ST7: variants seen among roughly 807,000 people sequenced by gnomAD.
ST7 encodes the protein suppression of tumorigenicity 7.
A neutral mutation model predicts 78.7 loss-of-function variants in ST7; 28 were observed. The ratio of observed to expected loss-of-function variants is 0.36; its 90% confidence interval spans 0.26 to 0.49. The LOEUF is 0.49. Among genes scored for constraint, ST7 ranks in the 20% least tolerant of loss-of-function variants. ST7 has a pLI of 0.99. For missense variants in ST7, 418 were observed against 696.0 expected, an observed-to-expected ratio of 0.60 and a Z score of 4.49; for synonymous variants, 247 against 249.6, an observed-to-expected ratio of 0.99 and a Z score of 0.10.
intron 1 of ST7, among the ~76,000 whole-genome samples, chr7:117,093,033 T>C (rs1203995328): frequency 1.3e-5 from 2 of 152,204 alleles, no homozygotes; most frequent in Non-Finnish European, 2.9e-5. Context: ...TGTGGCTCAA[T>C]TGATTGTTCC....
chr7:117,131,874 T>G lies in ST7; in HGVS notation c.566-11T>G. The G allele has an allele frequency of 4.3e-6, 7 of 1,610,020 alleles. No homozygotes were observed. The highest frequency in any genetic ancestry group is 5.9e-6 in the Non-Finnish European group (7 of 1,177,206). ...TGGATTGACTTGGTGTTTTCTCTTT[T>G]TCTTAAATAGTAATGCAGAAAGCCT... is the stretch of plus-strand genomic sequence containing the variant. On this transcript the variant is annotated splice_polypyrimidine_tract_variant and intron_variant, in intron 5 of 15. Transcript: ENST00000323984.
chr7:116,972,648 C>G (rs571851176), intron 1 of ST7: 10 of 1,182,858 alleles, frequency 8.5e-6, no homozygotes, highest in Middle Eastern at 2.5e-4. Context: ...TCATACCTCT[C>G]TCACTCTCAT....
intron 9 of ST7, among the ~76,000 whole-genome samples, chr7:117,163,431 G>A (rs537374411): frequency 6.6e-6 from 1 of 152,070 alleles, no homozygotes; most frequent in South Asian, 2.1e-4. Flanking sequence ...CTGCATTCTC[G>A]CCAGTGTTTG....
chr7:117,084,178 C>T (rs1179115041), intron 1 of ST7, among the ~76,000 whole-genome samples: 1 of 152,188 alleles, frequency 6.6e-6, no homozygotes, highest in African/African-American at 2.4e-5. Context: ...TTAGTTTCTT[C>T]ATCTGTTTTA....
At chr7:117,216,639 A>C (rs537492460) in intron 13 of ST7, among the ~76,000 whole-genome samples, 1 of 152,242 alleles carries the variant, frequency 6.6e-6, no homozygotes, top group African/African-American at 2.4e-5. Flanking sequence ...CAGTGCCTCT[A>C]CCGGCCTCTC....
chr7:116,967,498 C>T, intron 1 of ST7: 1 of 423,788 alleles, frequency 2.4e-6, no homozygotes, highest in Non-Finnish European at 5.0e-6. Context: ...CGGGTCCAGT[C>T]CCAGTGGACC....
intron 3 of ST7, 31 bp from the exon 4 acceptor site, chr7:117,129,762 C>T (rs201299981): frequency 1.3e-5 from 20 of 1,576,540 alleles, no homozygotes; most frequent in Admixed American, 8.4e-5. Context: ...TGAACTTACG[C>T]GTAACATTTT....
intron 1 of ST7, chr7:117,072,492 G>A (rs1476879462): frequency 6.6e-6 from 1 of 152,150 alleles, no homozygotes; most frequent in African/African-American, 2.4e-5. Flanking sequence ...AGTAACAGAT[G>A]TTTTGATTTC....
At chr7:117,040,930 C>T (rs1797182735) in intron 1 of ST7, among the ~76,000 whole-genome samples, 1 of 152,110 alleles carries the variant, frequency 6.6e-6, no homozygotes, top group Non-Finnish European at 1.5e-5. Context: ...CCCATCAAAC[C>T]TTATTATTCA....
chr7:117,180,456 T>TC (rs1808663885), intron 10 of ST7, among the ~76,000 whole-genome samples: 1 of 152,170 alleles, frequency 6.6e-6, no homozygotes, highest in Non-Finnish European at 1.5e-5. Context: ...CAGTTACTAC[T>TC]AAAGTAGACA....
chr7:117,091,090 G>T (rs1282423269), intron 1 of ST7, among the ~76,000 whole-genome samples: 2 of 152,220 alleles, frequency 1.3e-5, no homozygotes, highest in Admixed American at 1.3e-4. Context: ...GACATCGGGA[G>T]TGGAAGGAAG....
intron 12 of ST7, among the ~76,000 whole-genome samples, chr7:117,204,966 G>A (rs938962141): frequency 6.6e-6 from 1 of 152,140 alleles, no homozygotes; most frequent in Non-Finnish European, 1.5e-5. Context: ...AACTTGGGAG[G>A]CTGAGGCAGG....
intron 1 of ST7, among the ~76,000 whole-genome samples, chr7:117,097,908 A>ATATATATATATATATATTTTTT: frequency 1.7e-4 from 5 of 30,008 alleles, no homozygotes; most frequent in Non-Finnish European, 2.2e-4. Context: ...ATATATATAT[A>ATATATATATATATATATTTTTT]TTTTTTTTTT....
At chr7:117,010,461 G>C (rs557172217) in intron 1 of ST7, among the ~76,000 whole-genome samples, 1 of 152,312 alleles carries the variant, frequency 6.6e-6, no homozygotes, top group East Asian at 1.9e-4. Flanking sequence ...AGCCAATGAG[G>C]ATGACAAAAC....
chr7:117,043,995 A>G (rs139682331), intron 1 of ST7, among the ~76,000 whole-genome samples: 66 of 152,322 alleles, frequency 4.3e-4, no homozygotes, highest in Non-Finnish European at 2.9e-4. Context: ...ATCAGGGACT[A>G]CTAAGACCAG....
chr7:117,154,367 GT>G (rs1806521935), intron 9 of ST7, among the ~76,000 whole-genome samples: 1 of 152,188 alleles, frequency 6.6e-6, no homozygotes, highest in Non-Finnish European at 1.5e-5. Flanking sequence ...GATTTCTGTT[GT>G]TTAAGATGCA....
chr7:116,961,442 C>G (rs1162546103), intron 1 of ST7, among the ~76,000 whole-genome samples: 1 of 152,090 alleles, frequency 6.6e-6, no homozygotes, highest in Non-Finnish European at 1.5e-5. Flanking sequence ...TTCTTCCTAT[C>G]CGTGAGCATG....
chr7:117,040,688 T>C (rs1797169775), intron 1 of ST7, among the ~76,000 whole-genome samples: 1 of 152,242 alleles, frequency 6.6e-6, no homozygotes, highest in Admixed American at 6.5e-5. Flanking sequence ...GTTGTACTTG[T>C]TGGTCACTAT....
intron 9 of ST7, among the ~76,000 whole-genome samples, chr7:117,161,591 CTTTTTTTT>C (rs60505994): frequency 6.9e-4 from 78 of 113,582 alleles, no homozygotes; most frequent in African/African-American, 2.4e-3. Context: ...TTCTTTCTTT[CTTTTTTTT>C]TTTTTTTTTT....
Sources: allele counts gnomAD v4.1 joint callset (sites outside exome capture counted in the v4.1 genomes callset), GRCh38; gene constraint gnomAD v4.1.1; transcripts MANE v1.5; gene names NCBI Gene and HGNC (gene_info 2026-07-23, HGNC 2026-07-21).